The following LAD1 variants were observed in gnomAD, a reference collection of about 807,000 sequenced individuals.
The protein encoded by LAD1 is ladinin 1.
A neutral mutation model predicts 54.2 loss-of-function variants in LAD1; 53 were observed. That is an observed-to-expected ratio of 0.98 (90% CI 0.78 to 1.23). The LOEUF is 1.23. LAD1 is among the 50% of genes most tolerant of loss of function. LAD1 has a pLI of 0.00. For missense variants in LAD1, 637 were observed against 653.3 expected (o/e 0.98, Z 0.27); for synonymous variants, 231 against 257.7 (o/e 0.90, Z 0.99).
In LAD1 at chr1:201,383,317, C is replaced by A. The variant is rs1208179655; in HGVS notation, c.1248G>T (p.Arg416=). 1.2e-6 allele frequency: 2 copies of A among 1,614,008 alleles called. No individual in the cohort carries two copies. Among genetic ancestry groups the A allele is most frequent in the South Asian group, 1.1e-5 (1 of 91,086 alleles). Residue 416 remains arginine (R), a splice_region_variant and synonymous_variant, in exon 6 of 10, where the codon CGG becomes CGT. Transcript: ENST00000391967. ...CCCCTCAGGAGAAGCCCCCACCCAC[C>A]CGTATGGCCGTGTGGTATCTCTCCA... is the stretch of plus-strand genomic sequence containing the variant. The part of the protein sequence containing the change: ...EKLERYHTAI[R]RSESVKSRGL...
intron 1 of LAD1, chr1:201,391,330 C>A: frequency 2.7e-6 from 1 of 365,066 alleles, no homozygotes; most frequent in Non-Finnish European, 5.4e-6. Flanking sequence ...GCAACTCCAC[C>A]AGTCTATCCA....
chr1:201,389,366 T>C, intron 1 of LAD1, 63 bp from the exon 2 acceptor site: 1 of 1,566,668 alleles, frequency 6.4e-7, no homozygotes, highest in South Asian at 1.1e-5. Context: ...CGAGGCAGGC[T>C]CCTCTAGGGC....
In LAD1 at chr1:201,389,244, C is replaced by CG; in HGVS notation, c.97dup (p.Arg33ProfsTer12). The CG allele has an allele frequency of 6.2e-7, 1 of 1,614,080 alleles. No individual in the cohort carries two copies. The highest frequency in any genetic ancestry group is 8.5e-7 in the Non-Finnish European group (1 of 1,180,010). On this transcript the variant is annotated frameshift_variant, in exon 2 of 10. Transcript: ENST00000391967. LOFTEE classifies it high-confidence loss of function. ...CGTGGTGGAGCTCAGGTTGCGGTGC[C>CG]GCCGCCTGCGCTCGCGCTCCTGTTC...
intron 5 of LAD1, 100 bp from the exon 6 acceptor site, chr1:201,383,489 T>C (rs1558269589): frequency 3.6e-6 from 4 of 1,124,714 alleles, no homozygotes; most frequent in Non-Finnish European, 5.4e-6. Flanking sequence ...ACGTTCTCAT[T>C]GTGGCCAAGA....
chr1:201,389,287 T>A lies in LAD1; in HGVS notation c.55A>T (p.Thr19Ser), dbSNP rs994772844. 2.4e-5 allele frequency: 39 copies of A among 1,613,178 alleles called. No individual in the cohort carries two copies. Among genetic ancestry groups the A allele is most frequent in the Non-Finnish European group, 3.2e-5 (38 of 1,179,868 alleles). ...TCCTGTTCCTCCTCATCCTCCAGAGTCCTCTGCCGGGCAAGGCTGGGGGAG... is the reference window on the plus strand; with the variant it reads ...TCCTGTTCCTCCTCATCCTCCAGAGACCTCTGCCGGGCAAGGCTGGGGGAG... The part of the protein sequence containing the change: ...SALSSLARQR[T>S]LEDEEEQERE... The change falls in exon 2 of 10, where the codon ACT becomes TCT. Residue 19 changes from threonine (T) to serine (S), a missense_variant. By Grantham distance (58) the Thr-to-Ser change is moderately conservative. Coordinates refer to ENST00000391967, the MANE Select transcript of LAD1 (RefSeq NM_005558.4).
chr1:201,387,401 A>G (rs1023480839), intron 2 of LAD1, among the ~76,000 whole-genome samples: 2 of 152,098 alleles, frequency 1.3e-5, no homozygotes, highest in Non-Finnish European at 2.9e-5. Context: ...ATAAATTCCT[A>G]TGAAGTCCAA....
At chr1:201,388,781 C>T (rs1371475923) in intron 2 of LAD1, among the ~76,000 whole-genome samples, 5 of 151,972 alleles carry the variant, frequency 3.3e-5, no homozygotes, top group Non-Finnish European at 7.4e-5. Flanking sequence ...TCTGGATGGA[C>T]ATTCTGGCCC....
At chr1:201,387,845 G>A (rs934360079) in intron 2 of LAD1, among the ~76,000 whole-genome samples, 3 of 152,192 alleles carry the variant, frequency 2.0e-5, no homozygotes, top group African/African-American at 7.2e-5. Context: ...CACAGCACCT[G>A]GCCTCCAGCA....
chr1:201,396,954 T>A (rs1662301579), intron 1 of LAD1, among the ~76,000 whole-genome samples: 2 of 152,104 alleles, frequency 1.3e-5, no homozygotes, highest in Non-Finnish European at 2.9e-5. Context: ...CCTCACCCCC[T>A]GCAGACAGGC....
At chr1:201,393,459 G>A (rs1662231281) in intron 1 of LAD1, among the ~76,000 whole-genome samples, 1 of 152,214 alleles carries the variant, frequency 6.6e-6, no homozygotes, top group Non-Finnish European at 1.5e-5. Context: ...GCATGGAACA[G>A]TAGTGGCTGG....
intron 1 of LAD1, among the ~76,000 whole-genome samples, chr1:201,394,717 C>G (rs1662258937): frequency 1.3e-5 from 2 of 152,224 alleles, no homozygotes; most frequent in Admixed American, 6.5e-5. Context: ...TGAGGCCACA[C>G]CTCCAGCTCC....
Position 201,387,177 on chromosome 1 carries a change from G to A in LAD1, c.184C>T (p.Leu62=). The change falls in exon 3 of 10, where the codon CTA becomes TTA. Residue 62 remains leucine, a splice_region_variant and synonymous_variant. Coordinates refer to ENST00000391967, the MANE Select transcript of LAD1 (RefSeq NM_005558.4). ...GDRQASASER[L]PSVEEAEVPK... Reference sequence around the variant, plus strand: ...ACCTCTGCTTCTTCCACGCTCGGTAGTCTGAATCAGAAGATGGGAGACAGA... The same window carrying A: ...ACCTCTGCTTCTTCCACGCTCGGTAATCTGAATCAGAAGATGGGAGACAGA... 1.3e-6 allele frequency: 2 copies of A among 1,504,924 alleles called. No individual in the cohort carries two copies. Among genetic ancestry groups the A allele is most frequent in the South Asian group, 2.8e-5 (2 of 71,586 alleles). The allele number at this position is 1,504,924 out of a possible 1,614,324, so 93.2% of individuals were successfully genotyped here.
Position 201,386,414 on chromosome 1 carries a change from T to C in LAD1, c.947A>G (p.Lys316Arg), listed in dbSNP as rs1662087612. ...KEQRGRALPGKNLPSLAKQGA... is the reference protein window; with the variant it reads ...KEQRGRALPGRNLPSLAKQGA... ...CTGCTTTGCCAAAGAGGGCAGGTTC[T>C]TCCCAGGGAGGGCCCTTCCTCTCTG... is the stretch of plus-strand genomic sequence containing the variant. The change falls in exon 3 of 10, where the codon AAG becomes AGG. Residue 316 changes from lysine (K) to arginine (R), a missense_variant. Physicochemically the swap from Lys to Arg is conservative, Grantham distance 26 (BLOSUM62 2). Transcript: ENST00000391967. 21 of 1,526,918 alleles carry C rather than the reference T, an allele frequency of 1.4e-5. No individual in the cohort carries two copies. Among genetic ancestry groups the C allele is most frequent in the Non-Finnish European group, 1.8e-5 (21 of 1,142,290 alleles). 94.6% of individuals were successfully genotyped at this position (1,526,918 alleles called of 1,614,324 possible).
chr1:201,393,949 G>A lies in LAD1; in HGVS notation c.39-4646C>T, dbSNP rs552392934. ...TGACTGGCTGGGCATGGTGGCTCAC[G>A]CCTGTAATCCCAGCACTTTGGGAGG... On this transcript the variant is annotated intron_variant, in intron 1 of 9. Coordinates refer to ENST00000391967, the MANE Select transcript of LAD1 (RefSeq NM_005558.4). 1.2e-3 allele frequency among the ~76,000 whole-genome samples: 175 copies of A among 146,962 alleles called. 1 individual carries two copies. Among genetic ancestry groups the A allele is most frequent in the Non-Finnish European group, 4.8e-4 (32 of 67,342 alleles).
chr1:201,382,562 G>T, intron 8 of LAD1, 91 bp downstream of exon 8: 2 of 1,059,554 alleles, frequency 1.9e-6, no homozygotes, highest in Non-Finnish European at 2.8e-6. Flanking sequence ...CTCCCGAAAT[G>T]ACTCCTCCTC....
Position 201,382,537 on chromosome 1 carries a change from G to A in LAD1, c.1473+116C>T, listed in dbSNP as rs891277687. Reference sequence around the variant, plus strand: ...CTCCTGAAATGACTCCTCCTCTCCCGAAATGACTCCTCCTCTCCCGAAATG... The same window carrying A: ...CTCCTGAAATGACTCCTCCTCTCCCAAAATGACTCCTCCTCTCCCGAAATG... On this transcript the variant is annotated intron_variant, in intron 8 of 9. Transcript: ENST00000391967. The A allele has an allele frequency of 9.5e-5, 85 of 891,506 alleles. No individual in the cohort carries two copies. In the African/African-American group the frequency reaches 1.4e-3, roughly 15 times the overall value. The allele number at this position is 891,506 out of a possible 1,614,324, so 55.2% of individuals were successfully genotyped here. A position where few individuals can be genotyped will look rare whatever the true frequency, so the allele number is the denominator to read the frequency against.
intron 8 of LAD1, 88 bp from the exon 9 acceptor site, chr1:201,382,414 A>G: frequency 9.2e-7 from 1 of 1,088,098 alleles, no homozygotes; most frequent in Non-Finnish European, 1.4e-6. Flanking sequence ...CCAGCCCAGG[A>G]TGTCCTTTCT....
chr1:201,382,431 A>G lies in LAD1; in HGVS notation c.1474-105T>C, dbSNP rs1661981336. The G allele has an allele frequency of 2.4e-5, 23 of 973,612 alleles. No individual in the cohort carries two copies. In the South Asian group the frequency reaches 2.9e-4, roughly 12 times the overall value. The allele number at this position is 973,612 out of a possible 1,614,324, so 60.3% of individuals were successfully genotyped here. On this transcript the variant is annotated intron_variant, in intron 8 of 9. Transcript: ENST00000391967. ...AGCCCAGGATGTCCTTTCTCTTCCC[A>G]AAAGAGAAAAGGAACCCAGACCCAC...
At position 201,386,787 on chromosome 1, in the gene LAD1, C is replaced by T. The variant is rs753683221; in HGVS notation, c.574G>A (p.Glu192Lys). The T allele has an allele frequency of 1.2e-6, 2 of 1,614,094 alleles. No individual in the cohort carries two copies. Among genetic ancestry groups the T allele is most frequent in the East Asian group, 4.5e-5 (2 of 44,888 alleles). The change falls in exon 3 of 10, where the codon GAA becomes AAA. Residue 192 changes from glutamate (E) to lysine (K), a missense_variant. Coordinates refer to ENST00000391967, the MANE Select transcript of LAD1 (RefSeq NM_005558.4). ...KSSMPKKTAP[E>K]KSLVSDKTSI... ...GTTTTATCGGAGACCAGGCTCTTTT[C>T]AGGTGCCGTCTTCTTTGGCATGGAG...
Sources: allele counts gnomAD v4.1 joint callset (sites outside exome capture counted in the v4.1 genomes callset), GRCh38; gene constraint gnomAD v4.1.1; transcripts MANE v1.5; gene names NCBI Gene and HGNC (gene_info 2026-07-23, HGNC 2026-07-21).